Variants in MAST4 observed in about 807,000 individuals in gnomAD.
MAST4 encodes microtubule-associated serine/threonine-protein kinase 4.
MAST4 carries 89 observed loss-of-function variants against 162.7 expected under a neutral mutation model. The ratio of observed to expected loss-of-function variants is 0.55; its 90% confidence interval spans 0.46 to 0.65. MAST4 has a LOEUF of 0.65. Ranked by LOEUF, MAST4 falls within the 30% of genes least tolerant of loss-of-function variation. The pLI is 0.00. For synonymous variants in MAST4, 1,479 were observed against 1,361.1 expected (o/e 1.09, Z -1.91); for missense variants, 3,153 against 3,374.0 (o/e 0.93, Z 1.62).
At chr5:67,102,647 C>A in intron 9 of MAST4, 36 bp downstream of exon 9, 1 of 1,502,516 alleles carries the variant, frequency 6.7e-7, no homozygotes. Flanking sequence ...AGCATCTAAA[C>A]GAACAGGCAC....
chr5:66,961,138 A>C (rs779210257), intron 4 of MAST4, among the ~76,000 whole-genome samples: 1 of 152,250 alleles, frequency 6.6e-6, no homozygotes, highest in Non-Finnish European at 1.5e-5. Context: ...TAAAATGGAC[A>C]TAGCTAACTT....
At chr5:67,127,086 GTC>G in intron 14 of MAST4, among the ~76,000 whole-genome samples, 1 of 152,094 alleles carries the variant, frequency 6.6e-6, no homozygotes, top group Non-Finnish European at 1.5e-5. Flanking sequence ...TTGGTTTTAT[GTC>G]CTGAGACTTT....
chr5:66,880,044 G>A (rs1005640091), intron 3 of MAST4, among the ~76,000 whole-genome samples: 1 of 152,202 alleles, frequency 6.6e-6, no homozygotes, highest in Non-Finnish European at 1.5e-5. Context: ...ACATCTTTTA[G>A]TAGTTAAGTG....
intron 3 of MAST4, among the ~76,000 whole-genome samples, chr5:66,800,368 A>G (rs1018418531): frequency 9.2e-5 from 14 of 152,240 alleles, no homozygotes; most frequent in Non-Finnish European, 2.9e-5. Flanking sequence ...AGCCATAGCA[A>G]TGAACAAGAT....
intron 3 of MAST4, chr5:66,792,360 C>G (rs1001592259): frequency 1.2e-5 from 2 of 167,738 alleles, no homozygotes; most frequent in African/African-American, 4.8e-5. Flanking sequence ...TCATGGCACA[C>G]CTTCGTTTTT....
At chr5:67,022,539 G>A (rs187797063) in intron 4 of MAST4, among the ~76,000 whole-genome samples, 16 of 152,196 alleles carry the variant, frequency 1.1e-4, no homozygotes, top group African/African-American at 3.4e-4. Flanking sequence ...GAAACAAGGA[G>A]GCAGGCAGCA....
At chr5:66,616,487 C>G (rs1349770842) in intron 1 of MAST4, among the ~76,000 whole-genome samples, 5 of 152,226 alleles carry the variant, frequency 3.3e-5, no homozygotes, top group Non-Finnish European at 7.3e-5. Flanking sequence ...GGCTGGACAT[C>G]TGGGGCAGGT....
intron 12 of MAST4, among the ~76,000 whole-genome samples, chr5:67,115,876 TG>T (rs1284411103): frequency 6.6e-6 from 1 of 152,060 alleles, no homozygotes; most frequent in African/African-American, 2.4e-5. Context: ...TCTTTTAATT[TG>T]TTTTTTTTTT....
chr5:66,764,553 A>G (rs2149622433), intron 2 of MAST4, among the ~76,000 whole-genome samples: 1 of 152,258 alleles, frequency 6.6e-6, no homozygotes, highest in East Asian at 1.9e-4. Flanking sequence ...CTCCTATTAT[A>G]TGGTAATGTC....
At chr5:66,620,253 C>T (rs965186089) in intron 1 of MAST4, among the ~76,000 whole-genome samples, 5 of 151,916 alleles carry the variant, frequency 3.3e-5, no homozygotes, top group African/African-American at 7.2e-5. Context: ...TATTGTATTG[C>T]ATGTAAATAT....
At position 67,110,574 on chromosome 5, in the gene MAST4, GATAA is replaced by G. The variant is rs148830064; in HGVS notation, c.1458+379_1458+382del. ...GAGAAGAAATAGAGATAAATGCAGA[GATAA>G]ATAGTGACCTGTGATTTATAATTAT... On this transcript the variant is annotated intron_variant, in intron 11 of 28. Transcript: ENST00000403625. 7.1e-3 allele frequency among the ~76,000 whole-genome samples: 1,080 copies of G among 152,326 alleles called. 4 individuals carry two copies. The highest frequency in any genetic ancestry group is 9.7e-3 in the Non-Finnish European group (663 of 68,026).
chr5:67,128,600 A>G (rs2150983207), intron 14 of MAST4, among the ~76,000 whole-genome samples: 1 of 152,358 alleles, frequency 6.6e-6, no homozygotes, highest in East Asian at 1.9e-4. Flanking sequence ...TCATGAAAGA[A>G]AAAGTGATTC....
At chr5:66,613,227 A>G (rs1743414055) in intron 1 of MAST4, among the ~76,000 whole-genome samples, 1 of 151,952 alleles carries the variant, frequency 6.6e-6, no homozygotes, top group African/African-American at 2.4e-5. Flanking sequence ...AATTAATACC[A>G]TCTAAGTCAT....
chr5:66,901,516 G>A (rs1428568205), intron 4 of MAST4, among the ~76,000 whole-genome samples: 1 of 152,052 alleles, frequency 6.6e-6, no homozygotes, highest in Non-Finnish European at 1.5e-5. Flanking sequence ...TGAGAAAATG[G>A]GATCTTTAGT....
At chr5:66,623,516 A>G (rs552372230) in intron 1 of MAST4, among the ~76,000 whole-genome samples, 3 of 152,368 alleles carry the variant, frequency 2.0e-5, no homozygotes, top group Middle Eastern at 3.4e-3. Context: ...CCACATTCAC[A>G]GCATAGAAGA....
At chr5:66,626,527 G>C (rs1281894902) in intron 1 of MAST4, among the ~76,000 whole-genome samples, 1 of 152,188 alleles carries the variant, frequency 6.6e-6, no homozygotes, top group Non-Finnish European at 1.5e-5. Flanking sequence ...ATTTAGGACA[G>C]TAATATCTGC....
At chr5:66,665,148 T>G in intron 1 of MAST4, among the ~76,000 whole-genome samples, 1 of 152,316 alleles carries the variant, frequency 6.6e-6, no homozygotes, top group East Asian at 1.9e-4. Context: ...ATAGAGAATA[T>G]TTTCGAAGAG....
chr5:67,098,083 A>G (rs1464644300), intron 7 of MAST4, among the ~76,000 whole-genome samples: 5 of 152,166 alleles, frequency 3.3e-5, no homozygotes, highest in Non-Finnish European at 7.4e-5. Context: ...TAACTGTTTA[A>G]AAAATCAAAA....
intron 5 of MAST4, among the ~76,000 whole-genome samples, chr5:67,079,336 A>G (rs1004503661): frequency 5.9e-5 from 9 of 152,186 alleles, no homozygotes; most frequent in African/African-American, 2.2e-4. Flanking sequence ...ATTAAAAAAT[A>G]GCAAATATAG....
Sources: allele counts gnomAD v4.1 joint callset (sites outside exome capture counted in the v4.1 genomes callset), GRCh38; gene constraint gnomAD v4.1.1; transcripts MANE v1.5; gene names NCBI Gene and HGNC (gene_info 2026-07-23, HGNC 2026-07-21).